WDR17: variants seen among roughly 807,000 people sequenced by gnomAD.
WDR17 encodes WD repeat-containing protein 17.
Under a neutral mutation model 161.7 loss-of-function variants are expected in WDR17, and 143 were observed. The observed-to-expected ratio is 0.88, with a 90% CI of 0.77 to 1.02. WDR17 has a LOEUF of 1.02. Among genes scored for constraint, WDR17 ranks in the 50% least tolerant of loss-of-function variants. The probability of loss-of-function intolerance (pLI) is 0.00; values close to 1 mark genes in which losing one functional copy is unlikely to be tolerated. For missense variants in WDR17, 1,469 were observed against 1,520.9 expected (o/e 0.97, Z 0.57); for synonymous variants, 517 against 515.6 (o/e 1.00, Z -0.04).
At chr4:176,150,789 C>T (rs1746989818) in intron 16 of WDR17, among the ~76,000 whole-genome samples, 196 bp downstream of exon 16, 1 of 152,152 alleles carries the variant, frequency 6.6e-6, no homozygotes, top group Non-Finnish European at 1.5e-5. Context: ...TCATGGTTAT[C>T]ATAGGTTGAG....
At position 176,134,996 on chromosome 4, in the gene WDR17, T is replaced by C. The variant is rs555152673; in HGVS notation, c.1099-112T>C. ...TTTTTCTTGCCTATATATTTTTGCA[T>C]TAATATTTGGAAAACCGTATACATG... is the stretch of plus-strand genomic sequence containing the variant. On this transcript the variant is annotated intron_variant, in intron 7 of 28. Transcript: ENST00000508596. The C allele has an allele frequency of 9.4e-6, 10 of 1,062,276 alleles. No individual in the cohort carries two copies. In the East Asian group the frequency reaches 2.2e-4, roughly 23 times the overall value. 65.8% of individuals were successfully genotyped at this position (1,062,276 alleles called of 1,614,324 possible). A position where few individuals can be genotyped will look rare whatever the true frequency, so the allele number is the denominator to read the frequency against.
At chr4:176,161,316 A>G (rs144445226) in intron 20 of WDR17, among the ~76,000 whole-genome samples, 4 of 152,340 alleles carry the variant, frequency 2.6e-5, no homozygotes, top group African/African-American at 9.6e-5. Context: ...AATGATGAAA[A>G]TAAGATAGAC....
chr4:176,102,192 T>C (rs980491280), intron 1 of WDR17, among the ~76,000 whole-genome samples: 3 of 152,190 alleles, frequency 2.0e-5, no homozygotes, highest in Admixed American at 1.3e-4. Context: ...GGTTTTAAAG[T>C]GGGCAAAAGA....
rs1277810458 is a variant in WDR17 at position 176,111,604 on chromosome 4, A to C, written c.24A>C (p.Gly8=). 1 of 1,609,832 alleles carries C rather than the reference A, an allele frequency of 6.2e-7. No individual in the cohort carries two copies. Among genetic ancestry groups the C allele is most frequent in the East Asian group, 2.2e-5 (1 of 44,712 alleles). ...ACATGTCCCAGGTAAGGCAAGTGGG[A>C]TTGCTGGCTGCTGGATGTCAGCCAT... The part of the protein sequence containing the change: MSQVRQV[G]LLAAGCQPWN... The change falls in exon 2 of 29, where the codon GGA becomes GGC. Residue 8 remains glycine (G), a synonymous_variant. Coordinates refer to ENST00000508596, the MANE Select transcript of WDR17 (RefSeq NM_181265.4).
chr4:176,150,456 TCAAC>T lies in WDR17; in HGVS notation c.2179-11_2179-8del. Reference sequence around the variant, plus strand: ...TTCACTATTCCATATTTATTTTTTGTCAACTCTTTAGCCTCCAGGTGGCAGTGAC... The same window carrying T: ...TTCACTATTCCATATTTATTTTTTGTTCTTTAGCCTCCAGGTGGCAGTGAC... On this transcript the variant is annotated splice_polypyrimidine_tract_variant and splice_region_variant and intron_variant, in intron 15 of 28. Coordinates refer to ENST00000508596, the MANE Select transcript of WDR17 (RefSeq NM_181265.4). The T allele has an allele frequency of 6.3e-7, 1 of 1,589,034 alleles. No individual in the cohort carries two copies. Among genetic ancestry groups the T allele is most frequent in the Non-Finnish European group, 8.5e-7 (1 of 1,173,170 alleles).
At chr4:176,071,336 T>A (rs1173482768) in intron 1 of WDR17, among the ~76,000 whole-genome samples, 2 of 151,606 alleles carry the variant, frequency 1.3e-5, no homozygotes, top group Admixed American at 6.6e-5. Flanking sequence ...TTCTCTTTTT[T>A]TTTTGAGACA....
chr4:176,134,595 G>A (rs577180279), intron 7 of WDR17, among the ~76,000 whole-genome samples: 1 of 151,708 alleles, frequency 6.6e-6, no homozygotes, highest in African/African-American at 2.4e-5. Flanking sequence ...AACAATTGGG[G>A]TTATGCCTGA....
chr4:176,152,294 CAA>C (rs397837505), intron 17 of WDR17, among the ~76,000 whole-genome samples: 45,123 of 72,166 alleles, frequency 0.63, 13,713 homozygotes, highest in East Asian at 0.72. Flanking sequence ...GACCCTATCT[CAA>C]AAAAAAAAAA....
intron 1 of WDR17, among the ~76,000 whole-genome samples, chr4:176,104,110 A>G (rs1738291512): frequency 6.6e-6 from 1 of 152,118 alleles, no homozygotes; most frequent in Admixed American, 6.6e-5. Flanking sequence ...ATGGGCCAAT[A>G]TATTTAAAGT....
chr4:176,097,416 C>T (rs1737059457), intron 1 of WDR17, among the ~76,000 whole-genome samples: 1 of 151,904 alleles, frequency 6.6e-6, no homozygotes, highest in East Asian at 1.9e-4. Context: ...ATCCTAAGCA[C>T]ATTAATTACA....
At chr4:176,079,087 A>G (rs918979683) in intron 1 of WDR17, among the ~76,000 whole-genome samples, 1 of 152,202 alleles carries the variant, frequency 6.6e-6, no homozygotes, top group African/African-American at 2.4e-5. Flanking sequence ...GTATGATACC[A>G]ACTTTTTTAG....
intron 1 of WDR17, among the ~76,000 whole-genome samples, chr4:176,106,318 C>T (rs900882286): frequency 2.6e-5 from 4 of 151,858 alleles, no homozygotes; most frequent in Admixed American, 6.6e-5. Context: ...GACTTCAGAA[C>T]TAACCCCTTA....
rs1439184586 is a variant in WDR17 at position 176,179,761 on chromosome 4, A to C, written c.*182A>C. On this transcript the variant is annotated 3_prime_UTR_variant, in exon 29 of 29. Transcript: ENST00000508596. ...AAAATATATATATATATATAATTTA[A>C]AGGAAAAATAGGTGCCTCCTTTATA... is the stretch of plus-strand genomic sequence containing the variant. 1 of 290,366 alleles carries C rather than the reference A, an allele frequency of 3.4e-6. No homozygotes were observed. Among genetic ancestry groups the C allele is most frequent in the African/African-American group, 2.2e-5 (1 of 45,096 alleles). The allele number at this position is 290,366 out of a possible 1,614,324, so 18.0% of individuals were successfully genotyped here.
intron 12 of WDR17, among the ~76,000 whole-genome samples, chr4:176,147,728 A>C (rs576626632): frequency 6.6e-6 from 1 of 152,244 alleles, no homozygotes; most frequent in South Asian, 2.1e-4. Flanking sequence ...CACATTGTGC[A>C]CATGTACCCT....
rs201294651 is a variant in WDR17 at position 176,120,035 on chromosome 4, C to T, written c.476C>T (p.Thr159Ile). ...LSDICMFRWHTHQKGKVVFGH... is the reference protein window; with the variant it reads ...LSDICMFRWHIHQKGKVVFGH... ...GATATCTGTATGTTCAGATGGCATA[C>T]ACACCAAAAGGGGAAAGTTGTGTTT... The change falls in exon 4 of 29, where the codon ACA becomes ATA. Residue 159 changes from threonine (T) to isoleucine (I), a missense_variant. By Grantham distance (89) the Thr-to-Ile change is moderately conservative. Coordinates refer to ENST00000508596, the MANE Select transcript of WDR17 (RefSeq NM_181265.4). 1.1e-5 allele frequency: 17 copies of T among 1,613,970 alleles called. No individual in the cohort carries two copies. In the East Asian group the frequency reaches 3.6e-4, roughly 34 times the overall value.
chr4:176,137,305 G>A (rs1020095808), intron 8 of WDR17, among the ~76,000 whole-genome samples: 2 of 151,512 alleles, frequency 1.3e-5, no homozygotes, highest in African/African-American at 4.8e-5. Context: ...GACAGAACAA[G>A]ATTGGCCCTA....
rs200990313 is a variant in WDR17 at position 176,087,206 on chromosome 4, TA to T, written c.-7+21128del. Among the ~76,000 whole-genome samples, 31 of 152,196 alleles carry T rather than the reference TA, an allele frequency of 2.0e-4. No homozygotes were observed. The East Asian group carries it at 3.3e-3, about 16-fold the overall frequency. ...TCCTTCTACCTAAAGAAATCCCTTATATTTTTTTTTCTAGAATGGGTCTACT... is the reference window on the plus strand; with the variant it reads ...TCCTTCTACCTAAAGAAATCCCTTATTTTTTTTTTCTAGAATGGGTCTACT... On this transcript the variant is annotated intron_variant, in intron 1 of 28. Transcript: ENST00000508596.
chr4:176,103,821 A>AAG (rs1040520694), intron 1 of WDR17, among the ~76,000 whole-genome samples: 5 of 151,948 alleles, frequency 3.3e-5, no homozygotes, highest in African/African-American at 1.2e-4. Context: ...ACCAGAAGAG[A>AAG]AGAGAGAGAG....
chr4:176,182,045 AT>A lies in WDR17; in HGVS notation c.*2472del, dbSNP rs1248654534. The A allele has an allele frequency of 1.3e-5, 2 of 152,026 alleles. No homozygotes were observed. The highest frequency in any genetic ancestry group is 1.3e-4 in the Admixed American group (2 of 15,268). The allele number at this position is 152,026 out of a possible 1,614,324, so 9.4% of individuals were successfully genotyped here. ...TATTGTACCTTAATATGAAAAACAA[AT>A]TTTTTAATTCATAAAAGTATTTTTA... is the stretch of plus-strand genomic sequence containing the variant. On this transcript the variant is annotated 3_prime_UTR_variant, in exon 29 of 29. Coordinates refer to ENST00000508596, the MANE Select transcript of WDR17 (RefSeq NM_181265.4). The surrounding 1 kb of genome is among the most constrained non-coding windows in gnomAD (Gnocchi z 4.2).
Sources: allele counts gnomAD v4.1 joint callset (sites outside exome capture counted in the v4.1 genomes callset), GRCh38; gene constraint gnomAD v4.1.1; non-coding constraint Gnocchi (gnomAD v3.1); transcripts MANE v1.5; gene names NCBI Gene and HGNC (gene_info 2026-07-23, HGNC 2026-07-21).